The following PTPRD variants were observed in gnomAD, a reference collection of about 807,000 sequenced individuals.
The protein encoded by PTPRD is protein tyrosine phosphatase receptor type D, also known as receptor-type tyrosine-protein phosphatase delta.
In PTPRD, 34 loss-of-function variants were observed where a neutral mutation model predicts 214.5. The observed-to-expected ratio is 0.16, with a 90% CI of 0.12 to 0.21. PTPRD has a LOEUF of 0.21. Ranked by LOEUF, PTPRD falls within the 10% of genes least tolerant of loss-of-function variation. PTPRD has a pLI of 1.00. For missense variants in PTPRD, 2,545 were observed against 2,398.7 expected (o/e 1.06, Z -1.27); for synonymous variants, 1,128 against 845.7 (o/e 1.33, Z -5.79).
At chr9:8,494,125 T>C (rs2097208317) in intron 26 of PTPRD, among the ~76,000 whole-genome samples, 1 of 152,144 alleles carries the variant, frequency 6.6e-6, no homozygotes, top group African/African-American at 2.4e-5. Flanking sequence ...CACAATGTCA[T>C]TGTCTTCCAA....
At chr9:9,889,351 TC>T (rs1304448975) in intron 5 of PTPRD, among the ~76,000 whole-genome samples, 3 of 152,232 alleles carry the variant, frequency 2.0e-5, no homozygotes, top group Non-Finnish European at 4.4e-5. Flanking sequence ...TATATATGCT[TC>T]AAAACATCAT....
chr9:10,016,357 T>TTAGATAGA (rs1555471278), intron 4 of PTPRD, among the ~76,000 whole-genome samples: 2,920 of 97,372 alleles, frequency 0.03, 29 homozygotes, highest in East Asian at 0.046. Context: ...GATAGAAAGA[T>TTAGATAGA]TAGATAGATA....
chr9:9,581,465 CTG>C (rs1310503270), intron 7 of PTPRD, among the ~76,000 whole-genome samples: 2 of 152,106 alleles, frequency 1.3e-5, no homozygotes, highest in African/African-American at 2.4e-5. Flanking sequence ...TCTTTCAAGA[CTG>C]TGAAGCTTAT....
chr9:8,637,790 T>C (rs573144272), intron 12 of PTPRD, among the ~76,000 whole-genome samples: 96 of 152,204 alleles, frequency 6.3e-4, no homozygotes, highest in Non-Finnish European at 8.7e-4. Context: ...AAATAAAATA[T>C]GGCATGAAGA....
intron 2 of PTPRD, among the ~76,000 whole-genome samples, chr9:10,605,446 C>CAG (rs2079046842): frequency 6.6e-6 from 1 of 151,754 alleles, no homozygotes; most frequent in African/African-American, 2.4e-5. Flanking sequence ...TGCTTTACTG[C>CAG]CTTTCTAGAA....
rs142397842 is a variant in PTPRD, at chr9:9,740,706, A to C, written c.-325-6135T>G. 1.3e-3 allele frequency among the ~76,000 whole-genome samples: 192 copies of C among 152,244 alleles called. 1 individual carries two copies. The highest frequency in any genetic ancestry group is 4.3e-3 in the African/African-American group (178 of 41,558). On this transcript the variant is annotated intron_variant, in intron 6 of 45. Coordinates refer to ENST00000381196, the MANE Select transcript of PTPRD (RefSeq NM_002839.4). ...TTCTAAGTAGGTTTTGTTTGAAATT[A>C]ATAGAACCATACCAGTATTTTCATT...
At chr9:9,386,161 C>A (rs753314906) in intron 9 of PTPRD, among the ~76,000 whole-genome samples, 1 of 152,078 alleles carries the variant, frequency 6.6e-6, no homozygotes, top group African/African-American at 2.4e-5. Context: ...ACAATGACAG[C>A]GTCCAATATA....
chr9:8,646,319 G>A (rs1231880555), intron 12 of PTPRD, among the ~76,000 whole-genome samples: 1 of 152,006 alleles, frequency 6.6e-6, no homozygotes, highest in Non-Finnish European at 1.5e-5. Flanking sequence ...TTTGAGTTTT[G>A]TTTTCTAACG....
chr9:9,933,555 C>A (rs988859391), intron 5 of PTPRD, among the ~76,000 whole-genome samples: 4 of 151,636 alleles, frequency 2.6e-5, no homozygotes, highest in African/African-American at 9.8e-5. Context: ...ACACCCAACA[C>A]AGGAGCACCC....
chr9:9,368,852 C>T (rs956685472), intron 9 of PTPRD, among the ~76,000 whole-genome samples: 3 of 151,820 alleles, frequency 2.0e-5, no homozygotes, highest in Non-Finnish European at 4.4e-5. Context: ...GTGTGCTGCA[C>T]CCATTAACTC....
At chr9:9,379,453 G>A (rs911720849) in intron 9 of PTPRD, among the ~76,000 whole-genome samples, 17 of 151,874 alleles carry the variant, frequency 1.1e-4, no homozygotes, top group African/African-American at 4.1e-4. Context: ...TGTATTAAGT[G>A]TTCAAGTCAG....
intron 2 of PTPRD, among the ~76,000 whole-genome samples, chr9:10,483,715 C>T (rs1163787052): frequency 6.6e-6 from 1 of 152,028 alleles, no homozygotes; most frequent in Non-Finnish European, 1.5e-5. Context: ...CAAATTAAAA[C>T]TGCAATGAGA....
intron 10 of PTPRD, among the ~76,000 whole-genome samples, chr9:9,070,748 A>G (rs1442368414): frequency 6.6e-6 from 1 of 152,184 alleles, no homozygotes; most frequent in Non-Finnish European, 1.5e-5. Context: ...AAATCTTAAT[A>G]ATTTTTTAGT....
intron 45 of PTPRD, among the ~76,000 whole-genome samples, chr9:8,319,472 T>C (rs1270109457): frequency 6.6e-6 from 1 of 151,944 alleles, no homozygotes; most frequent in Non-Finnish European, 1.5e-5. Flanking sequence ...TTAAATGGGC[T>C]GAGATTATAT....
rs542208320 is a variant in PTPRD, at chr9:10,158,546, A to AT, written c.-544-124757_-544-124756insA. 3.3e-3 allele frequency among the ~76,000 whole-genome samples: 502 copies of AT among 152,272 alleles called. 4 individuals are homozygous for AT. Among genetic ancestry groups the AT allele is most frequent in the African/African-American group, 0.011 (460 of 41,550 alleles). ...CTAGCTTCACTGCCACTCATAGGAA[A>AT]CCAGAAACAAATACATAATGCTGTG... On this transcript the variant is annotated intron_variant, in intron 3 of 45. Coordinates refer to ENST00000381196, the MANE Select transcript of PTPRD (RefSeq NM_002839.4).
At chr9:9,213,553 C>A (rs902619815) in intron 9 of PTPRD, among the ~76,000 whole-genome samples, 2 of 151,932 alleles carry the variant, frequency 1.3e-5, no homozygotes, top group African/African-American at 4.8e-5. Flanking sequence ...TAATAGGCAA[C>A]CATTGGTTAG....
intron 8 of PTPRD, among the ~76,000 whole-genome samples, chr9:9,399,090 C>G (rs1342916677): frequency 6.6e-6 from 1 of 151,912 alleles, no homozygotes; most frequent in African/African-American, 2.4e-5. Context: ...TTTTCTGTGT[C>G]TAAAATAATT....
chr9:10,463,999 CT>C (rs1472499504), intron 2 of PTPRD, among the ~76,000 whole-genome samples: 6 of 152,090 alleles, frequency 3.9e-5, no homozygotes, highest in Non-Finnish European at 8.8e-5. Context: ...GAGAATAACT[CT>C]TTATTTTAAA....
At chr9:9,748,522 G>C (rs1227414925) in intron 6 of PTPRD, among the ~76,000 whole-genome samples, 1 of 152,148 alleles carries the variant, frequency 6.6e-6, no homozygotes, top group East Asian at 1.9e-4. Context: ...CATCGTAAGG[G>C]ATACATACTT....
Sources: gnomAD v4.1 joint callset for allele counts (sites outside exome capture counted in the v4.1 genomes callset) on GRCh38, gnomAD v4.1.1 for gene constraint, MANE v1.5 for transcripts, NCBI Gene and HGNC (gene_info 2026-07-23, HGNC 2026-07-21) for gene names.